Variants in THOC2 observed in about 807,000 individuals in gnomAD.
THOC2 encodes the protein THO complex 2.
THOC2 carries 10 observed loss-of-function variants against 128.4 expected under a neutral mutation model. The observed-to-expected ratio is 0.08, with a 90% CI of 0.05 to 0.13. The LOEUF is 0.13. Ranked by LOEUF, THOC2 falls within the 10% of genes least tolerant of loss-of-function variation. The pLI is 1.00. For synonymous variants in THOC2, 393 were observed against 396.9 expected (o/e 0.99, Z 0.12); for missense variants, 535 against 1,155.7 (o/e 0.46, Z 7.79).
chrX:123,666,427 G>T (rs568912701), intron 11 of THOC2, among the ~76,000 whole-genome samples: 1 of 110,908 alleles, frequency 9.0e-6, no homozygotes, highest in Non-Finnish European at 1.9e-5. Flanking sequence ...GAGTCACAGG[G>T]GTCACTCTCT....
chrX:123,688,969 A>G (rs2050117377), intron 7 of THOC2, among the ~76,000 whole-genome samples: 1 of 112,288 alleles, frequency 8.9e-6, no homozygotes, highest in African/African-American at 3.2e-5. Flanking sequence ...CACAGAAGAC[A>G]AAAGAGACAC....
chrX:123,674,585 C>T (rs2147829693), intron 8 of THOC2, among the ~76,000 whole-genome samples: 1 of 111,199 alleles, frequency 9.0e-6, no homozygotes, highest in Admixed American at 9.6e-5. Flanking sequence ...TAAGGATGAA[C>T]TTCTATCATT....
chrX:123,623,441 A>G, intron 28 of THOC2, 158 bp from the exon 29 acceptor site: 2 of 624,784 alleles, frequency 3.2e-6, no homozygotes, highest in Non-Finnish European at 4.6e-6. Context: ...GTTTTTATAG[A>G]ACGCCCAGCT....
Position 123,637,140 on chromosome X carries a change from G to A in THOC2, c.1921+903C>T, listed in dbSNP as rs148599639. Reference sequence around the variant, plus strand: ...CAGTATTAATGGAATCTAGAATATCGGGAAGCAGGGAAAAGATGAGGCTAG... The same window carrying A: ...CAGTATTAATGGAATCTAGAATATCAGGAAGCAGGGAAAAGATGAGGCTAG... On this transcript the variant is annotated intron_variant, in intron 18 of 38. Coordinates refer to ENST00000245838, the MANE Select transcript of THOC2 (RefSeq NM_001081550.2). Among the ~76,000 whole-genome samples the A allele has an allele frequency of 4.1e-3, 458 of 111,376 alleles. 4 individuals are homozygous for A. In the East Asian group the frequency reaches 0.062, roughly 15 times the overall value.
chrX:123,667,479 C>T (rs1219294925), intron 10 of THOC2, among the ~76,000 whole-genome samples: 1 of 111,681 alleles, frequency 9.0e-6, no homozygotes, highest in Non-Finnish European at 1.9e-5. Flanking sequence ...CGGCTCACAC[C>T]TATAGTCCAG....
At position 123,668,142 on chromosome X, in the gene THOC2, T is replaced by C; in HGVS notation, c.1017+17A>G. ...ATCCAGAAGATAGTGTTAATTTTAC[T>C]AGAATGAATTACATACTTTCTCTAC... is the stretch of plus-strand genomic sequence containing the variant. On this transcript the variant is annotated intron_variant, in intron 10 of 38. Coordinates refer to ENST00000245838, the MANE Select transcript of THOC2 (RefSeq NM_001081550.2). 3 of 1,111,463 alleles carry C rather than the reference T, an allele frequency of 2.7e-6. No homozygotes were observed. Among genetic ancestry groups the C allele is most frequent in the African/African-American group, 1.8e-5 (1 of 54,801 alleles). The allele number at this position is 1,111,463 out of a possible 1,213,427, so 91.6% of individuals were successfully genotyped here.
intron 2 of THOC2, among the ~76,000 whole-genome samples, chrX:123,712,166 AAAT>A (rs1046272961): frequency 4.5e-5 from 5 of 110,832 alleles, no homozygotes; most frequent in African/African-American, 1.6e-4. Context: ...TAATTTAAAA[AAAT>A]AATGTGGGTT....
In THOC2 at chrX:123,610,941, T is replaced by G. The variant is rs1465498535; in HGVS notation, c.4777A>C (p.Arg1593=). 1 of 1,208,702 alleles carries G rather than the reference T, an allele frequency of 8.3e-7. No individual in the cohort carries two copies. Among genetic ancestry groups the G allele is most frequent in the Non-Finnish European group, 1.1e-6 (1 of 894,237 alleles). Residue 1593 remains arginine (R), a synonymous_variant, in exon 38 of 39, where the codon AGA becomes CGA. Coordinates refer to ENST00000245838, the MANE Select transcript of THOC2 (RefSeq NM_001081550.2). ...KKHHKSSDKH[R] ...ACCTTGATGGAAAGTCTTCATTATCTGTGCTTGTCCGAGGACTTATGAGTA... is the reference window on the plus strand; with the variant it reads ...ACCTTGATGGAAAGTCTTCATTATCGGTGCTTGTCCGAGGACTTATGAGTA...
intron 8 of THOC2, among the ~76,000 whole-genome samples, chrX:123,681,403 C>T (rs1319047723): frequency 1.8e-5 from 2 of 111,136 alleles, no homozygotes; most frequent in African/African-American, 3.3e-5. Context: ...CATTGTATAA[C>T]TGAGGAATCA....
chrX:123,617,378 G>T (rs995736717), intron 33 of THOC2, among the ~76,000 whole-genome samples: 3 of 110,542 alleles, frequency 2.7e-5, no homozygotes, highest in Non-Finnish European at 3.8e-5. Context: ...AATTTTAAAG[G>T]CCTGCAAAAC....
intron 11 of THOC2, 123 bp from the exon 12 acceptor site, chrX:123,665,960 TC>T (rs2049034666): frequency 2.5e-6 from 1 of 397,661 alleles, no homozygotes; most frequent in Non-Finnish European, 3.7e-6. Flanking sequence ...TGAAATTTTT[TC>T]TTGCTCATAT....
At chrX:123,607,541 C>A (rs2046524104) in intron 38 of THOC2, among the ~76,000 whole-genome samples, 2 of 109,003 alleles carry the variant, frequency 1.8e-5, no homozygotes, top group African/African-American at 6.7e-5. Context: ...TGGCCTCAAG[C>A]AATCCTCTTG....
intron 38 of THOC2, among the ~76,000 whole-genome samples, chrX:123,605,304 C>T (rs962802183): frequency 9.0e-6 from 1 of 111,657 alleles, no homozygotes; most frequent in Admixed American, 9.5e-5. Context: ...TTTGCTCTAC[C>T]GTAAGTGGAA....
intron 18 of THOC2, 57 bp downstream of exon 18, chrX:123,637,986 T>A: frequency 1.1e-6 from 1 of 876,956 alleles, no homozygotes; most frequent in East Asian, 3.2e-5. Context: ...ATAAAATGCA[T>A]AACATGGCAG....
rs752399543 is a variant in THOC2 at position 123,643,957 on chromosome X, C to T, written c.1661+618G>A. ...ACTGACAATAGCCTCGTTGAAAACACTTGCAATACAGCAATACAATTAAGC... is the reference window on the plus strand; with the variant it reads ...ACTGACAATAGCCTCGTTGAAAACATTTGCAATACAGCAATACAATTAAGC... On this transcript the variant is annotated intron_variant, in intron 15 of 38. Coordinates refer to ENST00000245838, the MANE Select transcript of THOC2 (RefSeq NM_001081550.2). 9.8e-4 allele frequency among the ~76,000 whole-genome samples: 110 copies of T among 112,280 alleles called. 2 individuals carry two copies. Among genetic ancestry groups the T allele is most frequent in the African/African-American group, 3.3e-3 (103 of 30,992 alleles).
chrX:123,654,494 C>T lies in THOC2; in HGVS notation c.1387-9119G>A, dbSNP rs188630617. On this transcript the variant is annotated intron_variant, in intron 12 of 38. Coordinates refer to ENST00000245838, the MANE Select transcript of THOC2 (RefSeq NM_001081550.2). ...TGAATAGGCAGAGTGCAGTGGCTCACGCCTGTAATCCCAACACTTTGGGAG... is the reference window on the plus strand; with the variant it reads ...TGAATAGGCAGAGTGCAGTGGCTCATGCCTGTAATCCCAACACTTTGGGAG... Among the ~76,000 whole-genome samples the T allele has an allele frequency of 3.3e-3, 357 of 108,322 alleles. 3 individuals are homozygous for T. The highest frequency in any genetic ancestry group is 0.017 in the South Asian group (43 of 2,510). 94.1% of individuals were successfully genotyped at this position (108,322 alleles called of 115,157 possible).
Position 123,622,766 on chromosome X carries a change from G to A in THOC2, c.3777C>T (p.Gly1259=), listed in dbSNP as rs377300709. 2.6e-6 allele frequency: 3 copies of A among 1,163,957 alleles called. No homozygotes were observed. In the African/African-American group the frequency reaches 5.3e-5, roughly 21 times the overall value. ...PKGNSSNGNS[G]SNSNKAVKEN... is the part of the protein sequence containing the mutation. ...TGGCACAGTGTTCCTACCTGTTAGA[G>A]CCACTATTTCCATTGCTTGAATTCC... Residue 1259 remains glycine, a synonymous_variant, in exon 30 of 39, where the codon GGC becomes GGT. Transcript: ENST00000245838.
At position 123,631,720 on chromosome X, in the gene THOC2, G is replaced by A; in HGVS notation, c.2449C>T (p.Leu817=). 1 of 1,210,192 alleles carries A rather than the reference G, an allele frequency of 8.3e-7. No individual in the cohort carries two copies. The highest frequency in any genetic ancestry group is 1.1e-6 in the Non-Finnish European group (1 of 894,830). The change falls in exon 22 of 39, where the codon CTG becomes TTG. Residue 817 remains leucine (L), a synonymous_variant. Transcript: ENST00000245838. ...FHTPHDAAFF[L]SRPMYAHHIS... is the part of the protein sequence containing the mutation. The stretch of plus-strand genomic sequence containing the variant: ...TGATGGGCATACATTGGCCTAGACA[G>A]GAAAAATGCTGCATCATGGGGTGTA...
chrX:123,636,034 A>G (rs1404707854), intron 19 of THOC2, 45 bp downstream of exon 19: 13 of 1,072,362 alleles, frequency 1.2e-5, no homozygotes, highest in Non-Finnish European at 1.7e-5. Context: ...CAAACCACCA[A>G]AAGTACTCTA....
Sources: allele counts gnomAD v4.1 joint callset (sites outside exome capture counted in the v4.1 genomes callset), GRCh38; gene constraint gnomAD v4.1.1; transcripts MANE v1.5; gene names NCBI Gene and HGNC (gene_info 2026-07-23, HGNC 2026-07-21).